The following GPC5 variants were observed in gnomAD, a reference collection of about 807,000 sequenced individuals.
GPC5 encodes the protein glypican-5.
In GPC5, 47 loss-of-function variants were observed where a neutral mutation model predicts 53.9. The ratio of observed to expected loss-of-function variants is 0.87; its 90% CI spans 0.69 to 1.11. The LOEUF is 1.11. Among genes scored for constraint, GPC5 ranks in the 50% most tolerant of loss-of-function variants. The probability of loss-of-function intolerance (pLI) is 0.00; values close to 1 mark genes in which losing one functional copy is unlikely to be tolerated. For missense variants in GPC5, 748 were observed against 713.1 expected (o/e 1.05, Z -0.56); for synonymous variants, 286 against 263.3 (o/e 1.09, Z -0.84).
In GPC5 at chr13:92,756,564, T is replaced by C. The variant is rs1183258497; in HGVS notation, c.1562-109718T>C. 4.6e-3 allele frequency among the ~76,000 whole-genome samples: 697 copies of C among 151,734 alleles called. 4 individuals carry two copies. Among genetic ancestry groups the C allele is most frequent in the African/African-American group, 0.015 (607 of 41,348 alleles). On this transcript the variant is annotated intron_variant, in intron 7 of 7. Transcript: ENST00000377067. ...TTGTCCCTGTTTGCAGACGACATGA[T>C]TGTATATCTAGAAAACCCCATTGTC...
At chr13:91,521,631 T>C (rs934436724) in intron 2 of GPC5, among the ~76,000 whole-genome samples, 1 of 152,228 alleles carries the variant, frequency 6.6e-6, no homozygotes, top group Admixed American at 6.5e-5. Flanking sequence ...TTCTATTCTT[T>C]CATTCAACAA....
intron 6 of GPC5, among the ~76,000 whole-genome samples, chr13:91,973,058 G>A (rs1372464484): frequency 1.3e-5 from 2 of 152,346 alleles, no homozygotes; most frequent in South Asian, 2.1e-4. Flanking sequence ...ATCCTGCAGA[G>A]TGTTTTCCAA....
intron 7 of GPC5, among the ~76,000 whole-genome samples, chr13:92,835,219 A>C (rs538028530): frequency 6.6e-6 from 1 of 152,134 alleles, no homozygotes; most frequent in East Asian, 1.9e-4. Context: ...ACTTGCATTA[A>C]TATGATTTTA....
intron 6 of GPC5, chr13:91,996,398 G>T (rs182142729): frequency 1.5e-4 from 23 of 152,326 alleles, no homozygotes; most frequent in African/African-American, 5.1e-4. Context: ...GAATCTATTT[G>T]TGCAGAACAG....
At chr13:91,950,270 T>G (rs1166992581) in intron 6 of GPC5, among the ~76,000 whole-genome samples, 3 of 144,558 alleles carry the variant, frequency 2.1e-5, no homozygotes, top group Middle Eastern at 3.2e-3. Context: ...TGCCAAGTTT[T>G]TTTTTTTTTT....
At chr13:91,643,093 G>A (rs1383327252) in intron 2 of GPC5, among the ~76,000 whole-genome samples, 1 of 152,138 alleles carries the variant, frequency 6.6e-6, no homozygotes, top group Non-Finnish European at 1.5e-5. Context: ...GGCTGAGCAT[G>A]GGGATGGAGG....
chr13:91,929,691 G>T (rs2039803073), intron 6 of GPC5, among the ~76,000 whole-genome samples: 3 of 152,066 alleles, frequency 2.0e-5, no homozygotes, highest in Non-Finnish European at 4.4e-5. Context: ...CCTAGAAGCT[G>T]TAACCACAAT....
At chr13:92,825,431 G>A (rs1029537083) in intron 7 of GPC5, among the ~76,000 whole-genome samples, 5 of 152,134 alleles carry the variant, frequency 3.3e-5, no homozygotes, top group Admixed American at 3.3e-4. Flanking sequence ...ATAAAAAAAT[G>A]CAAATGTTAT....
intron 2 of GPC5, among the ~76,000 whole-genome samples, chr13:91,536,701 C>T (rs1410467746): frequency 2.6e-5 from 4 of 152,166 alleles, no homozygotes; most frequent in Non-Finnish European, 5.9e-5. Flanking sequence ...TATATAAGTA[C>T]ATCAGTCACG....
chr13:92,336,966 C>T (rs547408415), intron 7 of GPC5, among the ~76,000 whole-genome samples: 51 of 152,176 alleles, frequency 3.4e-4, no homozygotes, highest in African/African-American at 1.2e-3. Flanking sequence ...ACCAACGGAT[C>T]TCATGAGACT....
chr13:91,972,203 C>T (rs1298653575), intron 6 of GPC5, among the ~76,000 whole-genome samples: 4 of 152,118 alleles, frequency 2.6e-5, no homozygotes, highest in Admixed American at 6.6e-5. Flanking sequence ...TTGAACTGAT[C>T]CCTTTACCAT....
intron 2 of GPC5, among the ~76,000 whole-genome samples, chr13:91,671,397 A>T (rs2035239334): frequency 6.6e-6 from 1 of 152,090 alleles, no homozygotes; most frequent in South Asian, 2.1e-4. Context: ...GGTGTAAAGG[A>T]ATGCTTGTGA....
rs149574337 is a variant in GPC5 at position 92,761,162 on chromosome 13, T to A, written c.1562-105120T>A. On this transcript the variant is annotated intron_variant, in intron 7 of 7. Transcript: ENST00000377067. ...TGTGTTAAGCCTATTTCTCCTTCCA[T>A]ATTCATTTTTATAGAGGCAGATTCT... Among the ~76,000 whole-genome samples, 1,156 of 152,264 alleles carry A rather than the reference T, an allele frequency of 7.6e-3. 5 individuals are homozygous for A. Among genetic ancestry groups the A allele is most frequent in the Non-Finnish European group, 0.012 (849 of 68,012 alleles).
chr13:92,357,687 G>C (rs2043533525), intron 7 of GPC5, among the ~76,000 whole-genome samples: 1 of 151,542 alleles, frequency 6.6e-6, no homozygotes. Flanking sequence ...TAATATCAGG[G>C]CGAAAGGCGA....
rs1883856747 is a variant in GPC5, at chr13:91,490,103, AG to A, written c.325+41183del. Among the ~76,000 whole-genome samples the A allele has an allele frequency of 1.3e-5, 2 of 152,188 alleles. 1 individual carries two copies. The highest frequency in any genetic ancestry group is 2.9e-5 in the Non-Finnish European group (2 of 68,030). On this transcript the variant is annotated intron_variant, in intron 2 of 7. Transcript: ENST00000377067. ...TAAGAGATTATTATTATTATGGTAA[AG>A]GATAGGGTGTGTAAATCAGAACATT...
intron 2 of GPC5, among the ~76,000 whole-genome samples, chr13:91,570,133 T>A (rs1225681791): frequency 2.6e-5 from 4 of 152,140 alleles, no homozygotes; most frequent in Non-Finnish European, 5.9e-5. Context: ...ACTATAAAAG[T>A]CGCCATAAAC....
chr13:92,814,594 G>C (rs1327107029), intron 7 of GPC5, among the ~76,000 whole-genome samples: 1 of 151,466 alleles, frequency 6.6e-6, no homozygotes, highest in Non-Finnish European at 1.5e-5. Context: ...CTGGGAGCCA[G>C]AGGCTGCAGT....
chr13:91,914,151 C>A (rs1002580779), intron 6 of GPC5, among the ~76,000 whole-genome samples: 4 of 152,156 alleles, frequency 2.6e-5, no homozygotes, highest in Non-Finnish European at 4.4e-5. Flanking sequence ...TGACATCTAT[C>A]ATTTTTCAAA....
At chr13:92,634,129 G>A (rs1241985699) in intron 7 of GPC5, among the ~76,000 whole-genome samples, 1 of 150,316 alleles carries the variant, frequency 6.7e-6, no homozygotes, top group African/African-American at 2.4e-5. Flanking sequence ...TCTTTTAATG[G>A]AATGCTCAAT....
Sources: gnomAD v4.1 joint callset for allele counts (sites outside exome capture counted in the v4.1 genomes callset) on GRCh38, gnomAD v4.1.1 for gene constraint, MANE v1.5 for transcripts, NCBI Gene and HGNC (gene_info 2026-07-23, HGNC 2026-07-21) for gene names.